The following UNC5D variants were observed in gnomAD, a reference collection of about 807,000 sequenced individuals.
The protein encoded by UNC5D is netrin receptor UNC5D.
UNC5D carries 39 observed loss-of-function variants against 105.4 expected under a neutral mutation model. The observed-to-expected ratio is 0.37, with a 90% CI of 0.29 to 0.48. The LOEUF is 0.48. UNC5D is among the 20% of genes least tolerant of loss of function. The pLI, the probability that UNC5D is intolerant of heterozygous loss-of-function variation, is 0.98. For missense variants in UNC5D, 991 were observed against 1,202.4 expected (o/e 0.82, Z 2.60); for synonymous variants, 452 against 450.4 (o/e 1.00, Z -0.04).
At chr8:35,361,410 G>A (rs936600867) in intron 1 of UNC5D, among the ~76,000 whole-genome samples, 7 of 152,276 alleles carry the variant, frequency 4.6e-5, no homozygotes, top group Admixed American at 2.6e-4. Context: ...GTGACCTTAT[G>A]TTAAGACTGT....
At chr8:35,604,116 TTGA>T (rs1820098069) in intron 4 of UNC5D, among the ~76,000 whole-genome samples, 1 of 152,216 alleles carries the variant, frequency 6.6e-6, no homozygotes, top group Admixed American at 6.5e-5. Flanking sequence ...TGCTTGTTAG[TTGA>T]TGCAGTTTCT....
intron 7 of UNC5D, among the ~76,000 whole-genome samples, chr8:35,702,047 T>C (rs139650839): frequency 8.4e-4 from 128 of 152,124 alleles, no homozygotes; most frequent in African/African-American, 3.1e-3. Context: ...TTTTAACTTA[T>C]AAATACACAA....
chr8:35,653,505 T>C (rs1823550637), intron 4 of UNC5D, among the ~76,000 whole-genome samples: 1 of 152,186 alleles, frequency 6.6e-6, no homozygotes, highest in African/African-American at 2.4e-5. Context: ...TAATGCTGTT[T>C]GTGGATCACC....
At chr8:35,717,892 G>C (rs1326806772) in intron 8 of UNC5D, among the ~76,000 whole-genome samples, 1 of 152,118 alleles carries the variant, frequency 6.6e-6, no homozygotes, top group African/African-American at 2.4e-5. Flanking sequence ...TCACTTTAAG[G>C]CTCCCTTGTC....
At chr8:35,708,162 G>C (rs1827713952) in intron 8 of UNC5D, among the ~76,000 whole-genome samples, 1 of 152,202 alleles carries the variant, frequency 6.6e-6, no homozygotes, top group African/African-American at 2.4e-5. Context: ...AGGCCTGGCA[G>C]ATAGAAAACA....
At chr8:35,477,850 G>A (rs1810220000) in intron 1 of UNC5D, among the ~76,000 whole-genome samples, 2 of 152,102 alleles carry the variant, frequency 1.3e-5, no homozygotes, top group Non-Finnish European at 1.5e-5. Context: ...CAAAAGAAAT[G>A]ACCACTCTTA....
At chr8:35,683,019 T>A (rs1249862553) in intron 4 of UNC5D, among the ~76,000 whole-genome samples, 1 of 152,218 alleles carries the variant, frequency 6.6e-6, no homozygotes, top group Non-Finnish European at 1.5e-5. Flanking sequence ...ATTTAATTTA[T>A]CTGCTTATGA....
intron 6 of UNC5D, among the ~76,000 whole-genome samples, chr8:35,685,403 C>T (rs896514444): frequency 6.6e-6 from 1 of 152,122 alleles, no homozygotes; most frequent in Non-Finnish European, 1.5e-5. Context: ...AGATGACTTT[C>T]TTCATGAAAT....
intron 11 of UNC5D, 99 bp from the exon 12 acceptor site, chr8:35,748,428 T>C: frequency 7.9e-7 from 1 of 1,272,376 alleles, no homozygotes; most frequent in South Asian, 1.5e-5. Flanking sequence ...GGAATATTTA[T>C]AAGCCTGAAG....
chr8:35,624,289 A>G (rs937823992), intron 4 of UNC5D, among the ~76,000 whole-genome samples: 2 of 152,310 alleles, frequency 1.3e-5, no homozygotes, highest in Admixed American at 1.3e-4. Flanking sequence ...TAGTTCTTTA[A>G]TCAATACCTA....
chr8:35,409,809 C>A (rs1320964050), intron 1 of UNC5D, among the ~76,000 whole-genome samples: 1 of 151,896 alleles, frequency 6.6e-6, no homozygotes, highest in African/African-American at 2.4e-5. Flanking sequence ...CATCACCAAA[C>A]TTAATATGCA....
At chr8:35,319,455 G>A (rs1809556941) in intron 1 of UNC5D, among the ~76,000 whole-genome samples, 1 of 152,168 alleles carries the variant, frequency 6.6e-6, no homozygotes, top group Admixed American at 6.6e-5. Flanking sequence ...GTAAAGGTCA[G>A]ATTAATTTGT....
At chr8:35,275,128 T>TATATATATATATATATATATATATTTA in intron 1 of UNC5D, among the ~76,000 whole-genome samples, 1 of 149,146 alleles carries the variant, frequency 6.7e-6, no homozygotes, top group East Asian at 2.0e-4. Flanking sequence ...ATATATATTT[T>TATATATATATATATATATATATATTTA]TATATATATA....
At chr8:35,256,970 TTTTTTG>T (rs1804122506) in intron 1 of UNC5D, among the ~76,000 whole-genome samples, 1 of 149,718 alleles carries the variant, frequency 6.7e-6, no homozygotes, top group South Asian at 2.1e-4. Flanking sequence ...TTTTTTTTTT[TTTTTTG>T]TTTTTTGTTT....
rs143408524 is a variant in UNC5D at position 35,586,275 on chromosome 8, G to T, written c.467-9279G>T. Among the ~76,000 whole-genome samples the T allele has an allele frequency of 5.8e-3, 883 of 152,272 alleles. 13 individuals are homozygous for T. Among genetic ancestry groups the T allele is most frequent in the African/African-American group, 0.021 (854 of 41,558 alleles). ...GGTGACAAAGTGAGACTCAAGAAAA[G>T]AAAAGAAATGTGCATAATACATAGA... On this transcript the variant is annotated intron_variant, in intron 3 of 16. Transcript: ENST00000404895.
At chr8:35,290,916 C>G (rs1465409328) in intron 1 of UNC5D, among the ~76,000 whole-genome samples, 1 of 150,124 alleles carries the variant, frequency 6.7e-6, no homozygotes, top group Non-Finnish European at 1.5e-5. Context: ...TCATTGCACT[C>G]CAGCCTGGGC....
At chr8:35,526,097 A>G (rs1339843916) in intron 1 of UNC5D, among the ~76,000 whole-genome samples, 1 of 152,234 alleles carries the variant, frequency 6.6e-6, no homozygotes, top group Non-Finnish European at 1.5e-5. Context: ...ATTCTGTTCT[A>G]GTAGTTTTAC....
At chr8:35,350,108 C>T (rs1299331671) in intron 1 of UNC5D, among the ~76,000 whole-genome samples, 2 of 151,660 alleles carry the variant, frequency 1.3e-5, no homozygotes, top group Non-Finnish European at 2.9e-5. Context: ...TCTTGGGAAC[C>T]CCCAGAGTTC....
intron 4 of UNC5D, among the ~76,000 whole-genome samples, chr8:35,633,457 C>T (rs978352094): frequency 1.3e-5 from 2 of 151,596 alleles, no homozygotes; most frequent in Non-Finnish European, 2.9e-5. Context: ...AAAAAAAAAT[C>T]CTTTTTTGTA....
Sources: gnomAD v4.1 joint callset for allele counts (sites outside exome capture counted in the v4.1 genomes callset) on GRCh38, gnomAD v4.1.1 for gene constraint, MANE v1.5 for transcripts, NCBI Gene and HGNC (gene_info 2026-07-23, HGNC 2026-07-21) for gene names.